FILIP1L: variants seen among roughly 807,000 people sequenced by gnomAD.
FILIP1L encodes the protein filamin A-interacting protein 1-like.
FILIP1L carries 55 observed loss-of-function variants against 96.6 expected under a neutral mutation model. The observed-to-expected ratio is 0.57, with a 90% CI of 0.46 to 0.71. FILIP1L has a LOEUF of 0.71. FILIP1L is among the 30% of genes least tolerant of loss of function. FILIP1L has a pLI of 0.00. For missense variants in FILIP1L, 1,304 were observed against 1,321.2 expected, an observed-to-expected ratio of 0.99 and a Z score of 0.20; for synonymous variants, 467 against 473.9, an observed-to-expected ratio of 0.99 and a Z score of 0.19.
chr3:100,014,186 T>C (rs746234118), intron 1 of FILIP1L, among the ~76,000 whole-genome samples: 1 of 150,992 alleles, frequency 6.6e-6, no homozygotes, highest in Non-Finnish European at 1.5e-5. Flanking sequence ...TAGTATTACA[T>C]TGTATATGTA....
chr3:99,987,347 G>T (rs1360938826), intron 1 of FILIP1L, among the ~76,000 whole-genome samples: 1 of 151,796 alleles, frequency 6.6e-6, no homozygotes, highest in African/African-American at 2.4e-5. Context: ...TGGGCAAGAT[G>T]GTGAAACCTT....
chr3:100,016,658 GCT>G (rs897186509), intron 1 of FILIP1L, among the ~76,000 whole-genome samples: 8 of 152,184 alleles, frequency 5.3e-5, no homozygotes, highest in African/African-American at 1.9e-4. Flanking sequence ...ACACTAGGAA[GCT>G]CTTTCACATG....
At chr3:99,896,945 T>G (rs1303539845) in intron 4 of FILIP1L, among the ~76,000 whole-genome samples, 2 of 152,228 alleles carry the variant, frequency 1.3e-5, no homozygotes, top group African/African-American at 4.8e-5. Flanking sequence ...ATAGAAAATG[T>G]ATTTTCAGTC....
chr3:100,033,245 T>A (rs1474830143), intron 1 of FILIP1L, among the ~76,000 whole-genome samples: 2 of 152,234 alleles, frequency 1.3e-5, no homozygotes, highest in Non-Finnish European at 2.9e-5. Flanking sequence ...GTCCATTGAC[T>A]GCTTGCAATT....
chr3:99,917,987 G>T (rs1234889951), intron 4 of FILIP1L, among the ~76,000 whole-genome samples: 2 of 151,520 alleles, frequency 1.3e-5, no homozygotes, highest in African/African-American at 4.9e-5. Context: ...GTTTTGTTTT[G>T]TTTTTTTTGA....
chr3:99,847,009 T>C (rs1943394301), intron 5 of FILIP1L, among the ~76,000 whole-genome samples: 1 of 152,228 alleles, frequency 6.6e-6, no homozygotes, highest in Admixed American at 6.5e-5. Flanking sequence ...CCCCAGGGAC[T>C]CCCATGAGGC....
At chr3:99,861,034 G>A (rs944748946) in intron 4 of FILIP1L, among the ~76,000 whole-genome samples, 3 of 152,146 alleles carry the variant, frequency 2.0e-5, no homozygotes, top group Non-Finnish European at 4.4e-5. Context: ...GTGCTAGAGA[G>A]TCTACTCATT....
chr3:99,913,949 G>A (rs1246880635), intron 4 of FILIP1L, among the ~76,000 whole-genome samples: 1 of 152,186 alleles, frequency 6.6e-6, no homozygotes, highest in Non-Finnish European at 1.5e-5. Flanking sequence ...TAAATGGAGT[G>A]TATGTGTATG....
In FILIP1L at chr3:99,952,166, G is replaced by GT. The variant is rs557464940; in HGVS notation, c.-10-21137dup. On this transcript the variant is annotated intron_variant, in intron 1 of 5. Transcript: ENST00000477258. ...ACAGACCACAGTCTCCTATAGATGT[G>GT]TTTTTTTTTTTCGTTGACTTAATAA... 1.7e-3 allele frequency among the ~76,000 whole-genome samples: 244 copies of GT among 145,128 alleles called. 2 individuals carry two copies. Among genetic ancestry groups the GT allele is most frequent in the African/African-American group, 2.6e-3 (103 of 39,712 alleles).
intron 1 of FILIP1L, among the ~76,000 whole-genome samples, chr3:99,948,557 AGAAGGAGAAGGC>A (rs1399814525): frequency 4.1e-5 from 6 of 144,650 alleles, no homozygotes; most frequent in African/African-American, 1.3e-4. Flanking sequence ...GAGGGGGAGA[AGAAGGAGAAGGC>A]GAAGGAGAAG....
intron 1 of FILIP1L, among the ~76,000 whole-genome samples, chr3:99,940,242 A>ATTTTT (rs1449861585): frequency 6.6e-6 from 1 of 152,210 alleles, no homozygotes; most frequent in Non-Finnish European, 1.5e-5. Context: ...AAAGGAAATT[A>ATTTTT]TTTTTATGTA....
chr3:99,897,910 T>C (rs1425204708), intron 4 of FILIP1L, among the ~76,000 whole-genome samples: 3 of 152,234 alleles, frequency 2.0e-5, no homozygotes, highest in African/African-American at 4.8e-5. Flanking sequence ...CATAGTTAAA[T>C]GAAGTTTTCC....
chr3:99,903,000 G>A (rs533857113), intron 4 of FILIP1L, among the ~76,000 whole-genome samples: 8 of 152,132 alleles, frequency 5.3e-5, no homozygotes, highest in Admixed American at 1.3e-4. Flanking sequence ...GAGGTTTCAT[G>A]ATTAAGGATA....
rs535587509 is a variant in FILIP1L, at chr3:99,852,298, C to G, written c.606-1228G>C. On this transcript the variant is annotated intron_variant, in intron 4 of 5. Transcript: ENST00000477258. Reference sequence around the variant, plus strand: ...TCATGGATGAAGTTATGACTACTTACATTCTGATAGGTATAGAGAATTCAT... The same window carrying G: ...TCATGGATGAAGTTATGACTACTTAGATTCTGATAGGTATAGAGAATTCAT... Among the ~76,000 whole-genome samples, 3 of 152,288 alleles carry G rather than the reference C, an allele frequency of 2.0e-5. No individual in the cohort carries two copies. In the South Asian group the frequency reaches 6.2e-4, roughly 32 times the overall value.
chr3:99,985,783 T>G (rs1709322400), intron 1 of FILIP1L, among the ~76,000 whole-genome samples: 1 of 152,148 alleles, frequency 6.6e-6, no homozygotes. Flanking sequence ...GAGATGGGGT[T>G]TCCCCATGTT....
intron 4 of FILIP1L, among the ~76,000 whole-genome samples, chr3:99,915,630 TA>T (rs938791437): frequency 1.1e-3 from 155 of 146,262 alleles, no homozygotes; most frequent in African/African-American, 2.0e-3. Context: ...CTTAATGGTT[TA>T]AAAAAAAAAA....
At chr3:100,055,961 G>A (rs1416944910) in intron 1 of FILIP1L, among the ~76,000 whole-genome samples, 1 of 152,182 alleles carries the variant, frequency 6.6e-6, no homozygotes, top group Non-Finnish European at 1.5e-5. Context: ...TAACACTTGT[G>A]TATGGAGTCC....
chr3:100,102,239 A>G (rs927636824), intron 1 of FILIP1L, among the ~76,000 whole-genome samples: 4 of 152,224 alleles, frequency 2.6e-5, no homozygotes, highest in East Asian at 1.9e-4. Flanking sequence ...TCCCATCAAC[A>G]GTGTAAAAGT....
intron 1 of FILIP1L, among the ~76,000 whole-genome samples, chr3:99,964,070 A>C (rs543808037): frequency 3.2e-4 from 48 of 152,192 alleles, no homozygotes; most frequent in African/African-American, 1.2e-3. Flanking sequence ...AATAATTGTT[A>C]TGTGATTAAA....
Sources: allele counts gnomAD v4.1 joint callset (sites outside exome capture counted in the v4.1 genomes callset), GRCh38; gene constraint gnomAD v4.1.1; transcripts MANE v1.5; gene names NCBI Gene and HGNC (gene_info 2026-07-23, HGNC 2026-07-21).